SREK1IP1: variants seen among roughly 807,000 people sequenced by gnomAD.
The protein encoded by SREK1IP1 is SREK1 interacting protein 1, also known as protein SREK1IP1.
SREK1IP1 carries 12 observed loss-of-function variants against 22.8 expected under a neutral mutation model. The observed-to-expected ratio is 0.53, with a 90% CI of 0.34 to 0.85. SREK1IP1 has a LOEUF of 0.85. SREK1IP1 is among the 40% of genes least tolerant of loss of function. The probability of loss-of-function intolerance (pLI) is 0.02; values close to 1 mark genes in which losing one functional copy is unlikely to be tolerated. For synonymous variants in SREK1IP1, 53 were observed against 52.7 expected, an observed-to-expected ratio of 1.01 and a Z score of -0.02; for missense variants, 147 against 171.8, an observed-to-expected ratio of 0.86 and a Z score of 0.81.
chr5:64,727,488 A>C (rs1742292088), intron 4 of SREK1IP1, among the ~76,000 whole-genome samples: 1 of 147,050 alleles, frequency 6.8e-6, no homozygotes, highest in South Asian at 2.1e-4. Flanking sequence ...TGTCAGGCTA[A>C]ATACATATAA....
rs1362810260 is a variant in SREK1IP1, at chr5:64,718,587, A to T, written c.*5797T>A. The T allele has an allele frequency of 6.6e-6, 1 of 152,240 alleles. No individual in the cohort carries two copies. Among genetic ancestry groups the T allele is most frequent in the Non-Finnish European group, 1.5e-5 (1 of 68,026 alleles). The allele number at this position is 152,240 out of a possible 1,614,324, so 9.4% of individuals were successfully genotyped here. A position where few individuals can be genotyped will look rare whatever the true frequency, so the allele number is the denominator to read the frequency against. On this transcript the variant is annotated 3_prime_UTR_variant, in exon 5 of 5. Transcript: ENST00000513458. The stretch of plus-strand genomic sequence containing the variant: ...TTTCAAGAGATAAGCATAACAAAAA[A>T]TCCTTTGCTGATATATTTCCTAAAT...
Position 64,768,610 on chromosome 5 carries a change from T to A in SREK1IP1, c.-93A>T. 6.3e-7 allele frequency: 1 copy of A among 1,589,572 alleles called. No homozygotes were observed. The highest frequency in any genetic ancestry group is 8.6e-7 in the Non-Finnish European group (1 of 1,160,768). On this transcript the variant is annotated 5_prime_UTR_variant, in exon 1 of 5. Coordinates refer to ENST00000513458, the MANE Select transcript of SREK1IP1 (RefSeq NM_173829.4). ...AGAACAAGGCACAGTCAAAGCGGCG[T>A]TTTCCTTCCCCCAGCGCAGCAGCAC...
chr5:64,765,283 A>C (rs1025612970), intron 1 of SREK1IP1, among the ~76,000 whole-genome samples: 1 of 152,236 alleles, frequency 6.6e-6, no homozygotes, highest in African/African-American at 2.4e-5. Flanking sequence ...AATGCTATGG[A>C]AACACGGGTG....
At chr5:64,725,841 G>GTTTT (rs558454743) in intron 4 of SREK1IP1, among the ~76,000 whole-genome samples, 1 of 128,854 alleles carries the variant, frequency 7.8e-6, no homozygotes, top group Non-Finnish European at 1.7e-5. Flanking sequence ...TGGTCCTGAA[G>GTTTT]TTTTTTTTTT....
intron 4 of SREK1IP1, among the ~76,000 whole-genome samples, chr5:64,725,391 C>T (rs1742245350): frequency 6.6e-6 from 1 of 152,106 alleles, no homozygotes; most frequent in African/African-American, 2.4e-5. Context: ...AAGACAGAAA[C>T]TGAGTTAATT....
chr5:64,744,955 T>C (rs554826387), intron 2 of SREK1IP1, among the ~76,000 whole-genome samples: 4 of 152,350 alleles, frequency 2.6e-5, no homozygotes, highest in East Asian at 1.9e-4. Flanking sequence ...AAATTTTTTC[T>C]AATCCCTGCT....
chr5:64,731,281 A>G (rs10940003), intron 3 of SREK1IP1, among the ~76,000 whole-genome samples: 1,736 of 152,154 alleles, frequency 0.011, 32 homozygotes, highest in African/African-American at 0.04. Flanking sequence ...TGAGAGTTTG[A>G]GGCTGGAGGA....
At position 64,721,611 on chromosome 5, in the gene SREK1IP1, G is replaced by T. The variant is rs1439011794; in HGVS notation, c.*2773C>A. 6.6e-6 allele frequency: 1 copy of T among 151,570 alleles called. No homozygotes were observed. 9.4% of individuals were successfully genotyped at this position (151,570 alleles called of 1,614,324 possible). On this transcript the variant is annotated 3_prime_UTR_variant, in exon 5 of 5. Transcript: ENST00000513458. ...AAGGGGGAAATTGTGTGGTGAGAAG[G>T]TCCATCAACCCAAAAATAATGGCCA... is the stretch of plus-strand genomic sequence containing the variant.
At chr5:64,768,432 G>A in intron 1 of SREK1IP1, 73 bp downstream of exon 1, 1 of 1,603,798 alleles carries the variant, frequency 6.2e-7, no homozygotes, top group African/African-American at 1.3e-5. Context: ...CTCCGTACAC[G>A]CCGCACCCTA....
intron 1 of SREK1IP1, among the ~76,000 whole-genome samples, chr5:64,757,861 C>A (rs1299379376): frequency 1.4e-5 from 1 of 72,962 alleles, no homozygotes; most frequent in Non-Finnish European, 2.5e-5. Context: ...AGGTTCCTAT[C>A]TTTTTTTTTT....
intron 3 of SREK1IP1, among the ~76,000 whole-genome samples, chr5:64,735,498 A>T (rs1222291127): frequency 6.6e-6 from 1 of 152,156 alleles, no homozygotes; most frequent in Non-Finnish European, 1.5e-5. Context: ...GCCATTGGGC[A>T]TGAAGTTTGC....
intron 3 of SREK1IP1, among the ~76,000 whole-genome samples, chr5:64,736,274 G>A (rs538032536): frequency 6.6e-6 from 1 of 152,236 alleles, no homozygotes; most frequent in East Asian, 1.9e-4. Flanking sequence ...AATAGGTCAA[G>A]TTGGTTGATA....
chr5:64,754,030 A>T (rs1019675256), intron 2 of SREK1IP1, among the ~76,000 whole-genome samples: 2 of 152,236 alleles, frequency 1.3e-5, no homozygotes, highest in Non-Finnish European at 2.9e-5. Context: ...TATAGTTTTT[A>T]AAAAATATAC....
intron 1 of SREK1IP1, among the ~76,000 whole-genome samples, chr5:64,756,977 T>A (rs527351719): frequency 2.2e-4 from 34 of 152,310 alleles, no homozygotes; most frequent in African/African-American, 6.7e-4. Context: ...CCTAACTAAA[T>A]AATATATTTA....
chr5:64,759,270 A>G (rs2112113522), intron 1 of SREK1IP1, among the ~76,000 whole-genome samples: 2 of 152,310 alleles, frequency 1.3e-5, no homozygotes, highest in South Asian at 2.1e-4. Context: ...ATCGTTTGGA[A>G]TAAGAACCCT....
intron 1 of SREK1IP1, among the ~76,000 whole-genome samples, chr5:64,766,860 T>G (rs561706086): frequency 2.8e-4 from 42 of 152,328 alleles, no homozygotes; most frequent in African/African-American, 8.7e-4. Context: ...TTAAATGAGA[T>G]AGAATACAAT....
chr5:64,746,296 T>C (rs917831948), intron 2 of SREK1IP1, among the ~76,000 whole-genome samples: 5 of 152,202 alleles, frequency 3.3e-5, no homozygotes, highest in African/African-American at 1.2e-4. Flanking sequence ...GTTCATTACC[T>C]TGGATTTGGC....
rs2112082789 is a variant in SREK1IP1 at position 64,723,711 on chromosome 5, C to A, written c.*673G>T. 1 of 152,498 alleles carries A rather than the reference C, an allele frequency of 6.6e-6. No individual in the cohort carries two copies. The highest frequency in any genetic ancestry group is 1.9e-4 in the East Asian group (1 of 5,178). The allele number at this position is 152,498 out of a possible 1,614,324, so 9.4% of individuals were successfully genotyped here. On this transcript the variant is annotated 3_prime_UTR_variant, in exon 5 of 5. Coordinates refer to ENST00000513458, the MANE Select transcript of SREK1IP1 (RefSeq NM_173829.4). Reference sequence around the variant, plus strand: ...TATACAAGAAGTATTTTAATTATTACAAAAACAAAGGAGGCAGGTACTAGA... The same window carrying A: ...TATACAAGAAGTATTTTAATTATTAAAAAAACAAAGGAGGCAGGTACTAGA...
intron 2 of SREK1IP1, among the ~76,000 whole-genome samples, chr5:64,752,827 G>A (rs1742773376): frequency 6.6e-6 from 1 of 152,102 alleles, no homozygotes; most frequent in African/African-American, 2.4e-5. Context: ...CTATTAGAAA[G>A]ACTTGTAAAT....
Sources: gnomAD v4.1 joint callset for allele counts (sites outside exome capture counted in the v4.1 genomes callset) on GRCh38, gnomAD v4.1.1 for gene constraint, MANE v1.5 for transcripts, NCBI Gene and HGNC (gene_info 2026-07-23, HGNC 2026-07-21) for gene names.